CRB1: variants seen among roughly 807,000 people sequenced by gnomAD.
CRB1 encodes the protein crumbs cell polarity complex component 1.
In CRB1, 83 loss-of-function variants were observed where a neutral mutation model predicts 120.0. That is an observed-to-expected ratio of 0.69 (90% CI 0.58 to 0.83). The LOEUF (loss-of-function observed/expected upper bound fraction) is 0.83. Ranked by LOEUF, CRB1 falls within the 40% of genes least tolerant of loss-of-function variation. The pLI is 0.00. For missense variants in CRB1, 1,699 were observed against 1,687.6 expected (o/e 1.01, Z -0.12); for synonymous variants, 625 against 612.5 (o/e 1.02, Z -0.30).
At chr1:197,443,319 A>T (rs1368087665) in intron 11 of CRB1, 1 of 151,606 alleles carries the variant, frequency 6.6e-6, no homozygotes, top group African/African-American at 2.4e-5. Context: ...CTCAAATTAT[A>T]CCTCCCTGGT....
Position 197,442,233 on chromosome 1 carries a change from C to T in CRB1, c.3946C>T (p.Leu1316Phe). Residue 1316 changes from leucine to phenylalanine, a missense_variant, in exon 11 of 12, where the codon CTC (leucine) becomes TTC (phenylalanine). Transcript: ENST00000367400. ...CVNGGLCQDL[L>F]NKFQCLCDVA... ...CAATGGAGGTCTGTGCCAGGACTTA[C>T]TCAACAAATTCCAGTGCCTCTGTGA... The T allele has an allele frequency of 6.2e-7, 1 of 1,614,116 alleles. No individual in the cohort carries two copies. The highest frequency in any genetic ancestry group is 8.5e-7 in the Non-Finnish European group (1 of 1,180,026).
chr1:197,216,858 A>G, the CRB1 span, among the ~76,000 whole-genome samples: 1,190 of 152,270 alleles, frequency 7.8e-3, 14 homozygotes, highest in African/African-American at 0.024. Context: ...TCAGAGAAAG[A>G]CCAACTGAGG....
intron 4 of CRB1, among the ~76,000 whole-genome samples, chr1:197,351,187 C>CAAAAA (rs780090689): frequency 4.7e-5 from 4 of 85,388 alleles, no homozygotes; most frequent in Non-Finnish European, 6.6e-5. Flanking sequence ...ACTAAAAATA[C>CAAAAA]AAAAAAAAAA....
intron 5 of CRB1, among the ~76,000 whole-genome samples, chr1:197,400,625 T>C (rs1488422840): frequency 6.6e-6 from 1 of 152,150 alleles, no homozygotes; most frequent in East Asian, 1.9e-4. Context: ...TTATAAAATG[T>C]GCAAACAAAA....
chr1:197,204,586 G>C, the CRB1 span, among the ~76,000 whole-genome samples: 19 of 152,002 alleles, frequency 1.2e-4, no homozygotes, highest in Admixed American at 4.6e-4. Context: ...TTCTTTTGAG[G>C]ATTATCTATT....
chr1:197,451,608 C>T (rs1011737033), intron 11 of CRB1, among the ~76,000 whole-genome samples: 5 of 152,160 alleles, frequency 3.3e-5, no homozygotes, highest in African/African-American at 1.2e-4. Flanking sequence ...TGGGCTGGGC[C>T]TGGATGTTTG....
At chr1:197,363,729 C>A in intron 5 of CRB1, 1 of 513,724 alleles carries the variant, frequency 1.9e-6, no homozygotes, top group Admixed American at 2.8e-5. Flanking sequence ...TGTTGGCATC[C>A]TGTGGTGCCT....
At chr1:197,289,076 G>A (rs1470699368) in intron 1 of CRB1, among the ~76,000 whole-genome samples, 1 of 151,370 alleles carries the variant, frequency 6.6e-6, no homozygotes, top group African/African-American at 2.4e-5. Flanking sequence ...TCTCGGGACA[G>A]AGTACCTGAG....
At chr1:197,327,101 A>AAAC (rs1553248932) in intron 1 of CRB1, among the ~76,000 whole-genome samples, 3 of 40,020 alleles carry the variant, frequency 7.5e-5, no homozygotes, top group Non-Finnish European at 1.5e-4. Context: ...CAAAAAAAAA[A>AAAC]AAAAAAAAAA....
chr1:197,433,175 C>T (rs541167631), intron 8 of CRB1, among the ~76,000 whole-genome samples: 1 of 152,030 alleles, frequency 6.6e-6, no homozygotes, highest in Admixed American at 6.6e-5. Context: ...AGATTATACC[C>T]ACAACTGGCT....
chr1:197,320,555 A>C (rs1658130127), intron 1 of CRB1, among the ~76,000 whole-genome samples: 1 of 152,212 alleles, frequency 6.6e-6, no homozygotes, highest in South Asian at 2.1e-4. Flanking sequence ...AATTTATGAC[A>C]GGAATGTGGT....
At chr1:197,355,649 C>T (rs1304827712) in intron 4 of CRB1, among the ~76,000 whole-genome samples, 2 of 152,210 alleles carry the variant, frequency 1.3e-5, no homozygotes, top group Admixed American at 6.5e-5. Context: ...GTGCTAAGCC[C>T]CTCAATGCCG....
the CRB1 span, among the ~76,000 whole-genome samples, chr1:197,261,312 G>T: frequency 4.1e-4 from 62 of 152,258 alleles, no homozygotes; most frequent in South Asian, 0.012. Flanking sequence ...TGTGTAAAAT[G>T]ATTTTTATTA....
intron 5 of CRB1, among the ~76,000 whole-genome samples, chr1:197,402,774 A>G (rs908473271): frequency 2.0e-5 from 3 of 152,210 alleles, no homozygotes; most frequent in Non-Finnish European, 2.9e-5. Flanking sequence ...ATTTAGCTTA[A>G]TGAGTTCTCA....
chr1:197,299,071 A>G (rs186521894), intron 1 of CRB1, among the ~76,000 whole-genome samples: 18 of 152,248 alleles, frequency 1.2e-4, no homozygotes, highest in South Asian at 4.1e-4. Context: ...AAAATCAACA[A>G]ACTGGGAGAA....
At chr1:197,269,343 G>A (rs1288817319) in intron 1 of CRB1, among the ~76,000 whole-genome samples, 1 of 152,232 alleles carries the variant, frequency 6.6e-6, no homozygotes. Context: ...ACCTTCTGTG[G>A]CTGCACCAGT....
rs777337560 is a variant in CRB1, at chr1:197,281,755, T to G, written c.70+13273T>G. Among the ~76,000 whole-genome samples the G allele has an allele frequency of 6.1e-4, 93 of 151,908 alleles. 1 individual carries two copies. Among genetic ancestry groups the G allele is most frequent in the Non-Finnish European group, 4.1e-4 (28 of 67,878 alleles). On this transcript the variant is annotated intron_variant, in intron 1 of 11. Transcript: ENST00000367400. ...CAAAAGGGAGGATAGCGAAGAATGA[T>G]TTCCAGGCCCCTAGTTTATGTATCT... is the stretch of plus-strand genomic sequence containing the variant.
At chr1:197,394,745 A>T (rs1662687488) in intron 5 of CRB1, among the ~76,000 whole-genome samples, 1 of 152,020 alleles carries the variant, frequency 6.6e-6, no homozygotes, top group Admixed American at 6.6e-5. Context: ...ACACAGGGAC[A>T]CTATTTCTGT....
At chr1:197,320,167 T>A (rs935952010) in intron 1 of CRB1, among the ~76,000 whole-genome samples, 6 of 152,224 alleles carry the variant, frequency 3.9e-5, no homozygotes, top group African/African-American at 9.6e-5. Context: ...TTCATAGTAT[T>A]CACCAAAAAT....
Sources: gnomAD v4.1 joint callset for allele counts (sites outside exome capture counted in the v4.1 genomes callset) on GRCh38, gnomAD v4.1.1 for gene constraint, MANE v1.5 for transcripts, NCBI Gene and HGNC (gene_info 2026-07-23, HGNC 2026-07-21) for gene names.